The following KIF6 variants were observed in gnomAD, a reference collection of about 807,000 sequenced individuals.
The protein encoded by KIF6 is kinesin family member 6.
A neutral mutation model predicts 112.7 loss-of-function variants in KIF6; 106 were observed. The observed-to-expected ratio is 0.94, with a 90% CI of 0.80 to 1.11. KIF6 has a LOEUF of 1.11. Ranked by LOEUF, KIF6 falls within the 50% of genes least tolerant of loss-of-function variation. The pLI, the probability that KIF6 is intolerant of heterozygous loss-of-function variation, is 0.00. For synonymous variants in KIF6, 339 were observed against 339.9 expected (o/e 1.00, Z 0.03); for missense variants, 929 against 964.0 (o/e 0.96, Z 0.48).
At chr6:39,451,682 C>T (rs1772710172) in intron 13 of KIF6, among the ~76,000 whole-genome samples, 1 of 152,108 alleles carries the variant, frequency 6.6e-6, no homozygotes, top group South Asian at 2.1e-4. Context: ...AAGGTTCTTA[C>T]ATCCCAGAAA....
At chr6:39,428,916 C>A (rs967776676) in intron 14 of KIF6, among the ~76,000 whole-genome samples, 3 of 152,238 alleles carry the variant, frequency 2.0e-5, no homozygotes, top group Non-Finnish European at 4.4e-5. Flanking sequence ...TTCCAACTCT[C>A]CTTGGCCATG....
chr6:39,578,707 C>T (rs1230692259), intron 9 of KIF6, among the ~76,000 whole-genome samples: 1 of 152,084 alleles, frequency 6.6e-6, no homozygotes, highest in Non-Finnish European at 1.5e-5. Flanking sequence ...CTCCGTCCTT[C>T]CTGGGGTGAT....
intron 13 of KIF6, among the ~76,000 whole-genome samples, chr6:39,512,814 C>CTGATTATGA (rs893497505): frequency 2.6e-5 from 4 of 152,120 alleles, no homozygotes; most frequent in Admixed American, 2.6e-4. Flanking sequence ...TGCAAATTGA[C>CTGATTATGA]TGATTATGAG....
At chr6:39,364,248 G>A (rs971907084) in intron 16 of KIF6, among the ~76,000 whole-genome samples, 1 of 151,976 alleles carries the variant, frequency 6.6e-6, no homozygotes, top group Admixed American at 6.6e-5. Context: ...TCCCAGGGTG[G>A]TGTGGTAGTG....
chr6:39,553,977 A>AACCGC (rs1350300457), intron 10 of KIF6: 1 of 155,090 alleles, frequency 6.4e-6, no homozygotes, highest in East Asian at 1.9e-4. Flanking sequence ...GTGTGCCAGA[A>AACCGC]ACCGCAGGTT....
At chr6:39,365,801 A>G (rs28547179) in intron 16 of KIF6, among the ~76,000 whole-genome samples, 2 of 152,182 alleles carry the variant, frequency 1.3e-5, no homozygotes, top group African/African-American at 4.8e-5. Context: ...CTGCAAGCCC[A>G]GTACGTGAGA....
Position 39,332,217 on chromosome 6 carries a change from G to C in KIF6, c.*4315C>G, listed in dbSNP as rs1408789971. 4 of 152,144 alleles carry C rather than the reference G, an allele frequency of 2.6e-5. No homozygotes were observed. The highest frequency in any genetic ancestry group is 4.4e-5 in the Non-Finnish European group (3 of 68,038). 9.4% of individuals were successfully genotyped at this position (152,144 alleles called of 1,614,324 possible). ...CTGCCTCGGCCTCCCAAAGTGCTGG[G>C]ATTATAGGAGTGAGCCACCACACCC... On this transcript the variant is annotated 3_prime_UTR_variant, in exon 23 of 23. Transcript: ENST00000287152.
chr6:39,448,034 C>T (rs1452534743), intron 13 of KIF6, among the ~76,000 whole-genome samples: 4 of 152,136 alleles, frequency 2.6e-5, no homozygotes, highest in Non-Finnish European at 4.4e-5. Context: ...AGCCCCTTTG[C>T]GATTCTTCAT....
At chr6:39,494,009 A>G (rs1481588538) in intron 13 of KIF6, among the ~76,000 whole-genome samples, 1 of 152,240 alleles carries the variant, frequency 6.6e-6, no homozygotes, top group Non-Finnish European at 1.5e-5. Flanking sequence ...TTCCAAGAAC[A>G]TTAAGAAGTT....
At chr6:39,654,206 C>G (rs1046322256) in intron 3 of KIF6, among the ~76,000 whole-genome samples, 1 of 152,078 alleles carries the variant, frequency 6.6e-6, no homozygotes, top group African/African-American at 2.4e-5. Context: ...GACAAGACAC[C>G]AGGGTGGTGG....
chr6:39,407,586 A>G (rs1244186027), intron 15 of KIF6, among the ~76,000 whole-genome samples: 2 of 152,244 alleles, frequency 1.3e-5, no homozygotes, highest in East Asian at 3.8e-4. Flanking sequence ...AAAACAACTA[A>G]ATTTTAAAAA....
intron 3 of KIF6, among the ~76,000 whole-genome samples, chr6:39,703,602 C>T (rs1789012110): frequency 6.6e-6 from 1 of 152,052 alleles, no homozygotes; most frequent in Admixed American, 6.6e-5. Context: ...AAAATTCTGA[C>T]CAGAAACACA....
intron 3 of KIF6, among the ~76,000 whole-genome samples, chr6:39,641,394 G>T (rs1784889819): frequency 6.6e-6 from 1 of 151,360 alleles, no homozygotes; most frequent in Non-Finnish European, 1.5e-5. Flanking sequence ...TATCGCAAGG[G>T]CAAAAAACTA....
At chr6:39,655,687 AT>A (rs556181429) in intron 3 of KIF6, among the ~76,000 whole-genome samples, 20 of 152,260 alleles carry the variant, frequency 1.3e-4, no homozygotes, top group African/African-American at 4.6e-4. Flanking sequence ...TCCCTGATAC[AT>A]TTTAAATGCC....
intron 13 of KIF6, among the ~76,000 whole-genome samples, chr6:39,476,343 C>G (rs893878496): frequency 6.6e-6 from 1 of 152,014 alleles, no homozygotes; most frequent in African/African-American, 2.4e-5. Context: ...TGGTCTAAAA[C>G]AAGCAGAGGG....
intron 10 of KIF6, among the ~76,000 whole-genome samples, chr6:39,569,563 A>G (rs923035209): frequency 3.3e-5 from 5 of 152,224 alleles, no homozygotes; most frequent in Admixed American, 6.5e-5. Context: ...TTGATTAGCC[A>G]ATAAAAAAAT....
chr6:39,415,624 G>A (rs1267670731), intron 15 of KIF6, among the ~76,000 whole-genome samples: 1 of 152,222 alleles, frequency 6.6e-6, no homozygotes, highest in Non-Finnish European at 1.5e-5. Context: ...CAGCCTGGAT[G>A]TTGTCTTTTC....
Position 39,438,129 on chromosome 6 carries a change from C to T in KIF6, c.1646-6968G>A, listed in dbSNP as rs542440894. Among the ~76,000 whole-genome samples the T allele has an allele frequency of 1.2e-4, 18 of 152,186 alleles. No individual in the cohort carries two copies. The East Asian group carries it at 1.4e-3, about 11-fold the overall frequency. On this transcript the variant is annotated intron_variant, in intron 13 of 22. Transcript: ENST00000287152. ...AGTAACAGGGATTTGTCCGCCACCA[C>T]GCTCGGCTAACTTTTTGTATTTTTA... is the stretch of plus-strand genomic sequence containing the variant.
At chr6:39,498,140 A>G (rs1310755099) in intron 13 of KIF6, among the ~76,000 whole-genome samples, 2 of 152,226 alleles carry the variant, frequency 1.3e-5, no homozygotes, top group South Asian at 2.1e-4. Context: ...ACAGAGACCA[A>G]AATTTTTCCT....
Sources: allele counts gnomAD v4.1 joint callset (sites outside exome capture counted in the v4.1 genomes callset), GRCh38; gene constraint gnomAD v4.1.1; transcripts MANE v1.5; gene names NCBI Gene and HGNC (gene_info 2026-07-23, HGNC 2026-07-21).